CMIP: variants seen among roughly 807,000 people sequenced by gnomAD.
CMIP encodes c-Maf inducing protein.
CMIP carries 13 observed loss-of-function variants against 97.3 expected under a neutral mutation model. The ratio of observed to expected loss-of-function variants is 0.13; its 90% confidence interval spans 0.09 to 0.21. The LOEUF (loss-of-function observed/expected upper bound fraction) is 0.21, where lower values mean the gene tolerates loss of function less well. Among genes scored for constraint, CMIP ranks in the 10% least tolerant of loss-of-function variants. The pLI is 1.00. For missense variants in CMIP, 847 were observed against 1,024.9 expected (o/e 0.83, Z 2.37); for synonymous variants, 538 against 436.3 (o/e 1.23, Z -2.91).
At chr16:81,496,351 T>C (rs1489174469) in intron 1 of CMIP, among the ~76,000 whole-genome samples, 1 of 152,140 alleles carries the variant, frequency 6.6e-6, no homozygotes, top group African/African-American at 2.4e-5. Context: ...GCGATCCTAC[T>C]TGGGGGCGAT....
At chr16:81,522,881 C>G (rs2090055416) in intron 1 of CMIP, among the ~76,000 whole-genome samples, 1 of 152,172 alleles carries the variant, frequency 6.6e-6, no homozygotes. Flanking sequence ...TTTTTACACA[C>G]ACACACACAT....
At chr16:81,465,625 A>G (rs917617522) in intron 1 of CMIP, among the ~76,000 whole-genome samples, 30 of 152,276 alleles carry the variant, frequency 2.0e-4, no homozygotes, top group African/African-American at 7.2e-4. Flanking sequence ...TGAACGAATG[A>G]GAGAAATTCC....
At chr16:81,592,563 A>T (rs1567598761) in intron 1 of CMIP, among the ~76,000 whole-genome samples, 1 of 151,980 alleles carries the variant, frequency 6.6e-6, no homozygotes. Flanking sequence ...TGCACTCCCC[A>T]TTACTTTGCA....
At chr16:81,585,975 C>T (rs1048946169) in intron 1 of CMIP, among the ~76,000 whole-genome samples, 9 of 152,148 alleles carry the variant, frequency 5.9e-5, no homozygotes, top group Admixed American at 2.0e-4. Flanking sequence ...AGGGCGCTGC[C>T]GGGGAAGGCC....
chr16:81,474,854 CA>C (rs200110666), intron 1 of CMIP, among the ~76,000 whole-genome samples: 5 of 148,534 alleles, frequency 3.4e-5, no homozygotes, highest in South Asian at 2.2e-4. Flanking sequence ...TGCCTCCAGC[CA>C]TGGGGGGCGG....
At chr16:81,656,762 C>T (rs573030560) in intron 4 of CMIP, among the ~76,000 whole-genome samples, 71 of 152,280 alleles carry the variant, frequency 4.7e-4, no homozygotes, top group Middle Eastern at 6.8e-3. Context: ...CTCAGCCTCC[C>T]GAGTAGCGAG....
intron 18 of CMIP, among the ~76,000 whole-genome samples, chr16:81,704,667 C>G (rs1160591242): frequency 1.3e-5 from 1 of 78,144 alleles, no homozygotes; most frequent in Admixed American, 1.4e-4. Flanking sequence ...GTTCACCCTC[C>G]TCCCTACCCC....
chr16:81,466,885 C>T (rs1027486981), intron 1 of CMIP, among the ~76,000 whole-genome samples: 26 of 152,236 alleles, frequency 1.7e-4, no homozygotes, highest in African/African-American at 5.3e-4. Context: ...AGCCAAAGTT[C>T]AGTTTCTGCA....
At chr16:81,449,003 G>T (rs1005457670) in intron 1 of CMIP, among the ~76,000 whole-genome samples, 2 of 152,246 alleles carry the variant, frequency 1.3e-5, no homozygotes, top group African/African-American at 4.8e-5. Flanking sequence ...GGTTCGGCAG[G>T]ACCAGAATCC....
chr16:81,496,471 A>G (rs1468033312), intron 1 of CMIP, among the ~76,000 whole-genome samples: 1 of 152,246 alleles, frequency 6.6e-6, no homozygotes. Flanking sequence ...AGGACTTTGA[A>G]GGACAAAGAC....
rs976395633 is a variant in CMIP at position 81,617,882 on chromosome 16, G to A, written c.427-2994G>A. Reference sequence around the variant, plus strand: ...GCATGCGTGGCCCCTTCCCTCTTAGGGTCACACATATATACAGGGCACTTT... The same window carrying A: ...GCATGCGTGGCCCCTTCCCTCTTAGAGTCACACATATATACAGGGCACTTT... On this transcript the variant is annotated intron_variant, in intron 2 of 20. Coordinates refer to ENST00000537098, the MANE Select transcript of CMIP (RefSeq NM_198390.3). Among the ~76,000 whole-genome samples the A allele has an allele frequency of 5.3e-5, 8 of 152,314 alleles. No homozygotes were observed. In the South Asian group the frequency reaches 1.2e-3, roughly 24 times the overall value.
At chr16:81,640,738 A>ATGTGTGTGTGTGTGTGTGTG (rs751455480) in intron 3 of CMIP, among the ~76,000 whole-genome samples, 12 of 138,936 alleles carry the variant, frequency 8.6e-5, no homozygotes, top group African/African-American at 2.9e-4. Context: ...TCTCTGGAGC[A>ATGTGTGTGTGTGTGTGTGTG]TGTGTGTGTG....
intron 11 of CMIP, among the ~76,000 whole-genome samples, chr16:81,692,941 C>T (rs1252564739): frequency 6.6e-6 from 1 of 152,146 alleles, no homozygotes; most frequent in African/African-American, 2.4e-5. Context: ...AATGGGGGGC[C>T]CAGTGTGTTC....
chr16:81,658,859 G>T (rs2092514166), intron 5 of CMIP, among the ~76,000 whole-genome samples: 1 of 152,202 alleles, frequency 6.6e-6, no homozygotes, highest in Non-Finnish European at 1.5e-5. Flanking sequence ...GGCCCCTCAC[G>T]CTCCTCTAGC....
chr16:81,503,326 C>T (rs758133167), intron 1 of CMIP, among the ~76,000 whole-genome samples: 4 of 152,146 alleles, frequency 2.6e-5, no homozygotes, highest in Non-Finnish European at 5.9e-5. Context: ...CTGGTATGAG[C>T]AGTCAGTGTT....
At chr16:81,469,888 G>A (rs1323776479) in intron 1 of CMIP, among the ~76,000 whole-genome samples, 1 of 152,182 alleles carries the variant, frequency 6.6e-6, no homozygotes. Context: ...GATGGGGAGG[G>A]ATGAGGAGGG....
intron 1 of CMIP, chr16:81,603,450 A>G (rs896645412): frequency 2.2e-6 from 1 of 454,480 alleles, no homozygotes; most frequent in South Asian, 1.6e-5. Context: ...CGACGAGGAT[A>G]CCCCAGAGTT....
rs766433369 is a variant in CMIP, at chr16:81,620,936, G to C, written c.477+10G>C. On this transcript the variant is annotated intron_variant, in intron 3 of 20. Coordinates refer to ENST00000537098, the MANE Select transcript of CMIP (RefSeq NM_198390.3). ...TTCTCTGCAATGGAAGGTAAGTACT[G>C]ACTCGGTTGCTTGTTTAAAGCGACT... 7 of 1,613,842 alleles carry C rather than the reference G, an allele frequency of 4.3e-6. No individual in the cohort carries two copies. The highest frequency in any genetic ancestry group is 5.9e-6 in the Non-Finnish European group (7 of 1,179,796).
Position 81,704,058 on chromosome 16 carries a change from C to G in CMIP, c.2064C>G (p.Leu688=), listed in dbSNP as rs188451219. ...AGCACCTCATCAAACTGCCTTCGCT[C>G]AAGCAGCTGAACCTGTGGTCCACTC... The part of the protein sequence containing the change: ...CAEHLIKLPS[L]KQLNLWSTQF... Residue 688 remains leucine, a synonymous_variant, in exon 18 of 21, where the codon CTC becomes CTG. Transcript: ENST00000537098. 3 of 1,605,336 alleles carry G rather than the reference C, an allele frequency of 1.9e-6. No individual in the cohort carries two copies. The highest frequency in any genetic ancestry group is 2.2e-5 in the East Asian group (1 of 44,580).
Sources: allele counts gnomAD v4.1 joint callset (sites outside exome capture counted in the v4.1 genomes callset), GRCh38; gene constraint gnomAD v4.1.1; transcripts MANE v1.5; gene names NCBI Gene and HGNC (gene_info 2026-07-23, HGNC 2026-07-21).